Variants in CDK14 observed in about 807,000 individuals in gnomAD.
CDK14 encodes cyclin dependent kinase 14.
A neutral mutation model predicts 60.7 loss-of-function variants in CDK14; 34 were observed. The observed-to-expected ratio is 0.56, with a 90% CI of 0.43 to 0.75. CDK14 has a LOEUF of 0.75. CDK14 is among the 30% of genes least tolerant of loss of function. The probability of loss-of-function intolerance (pLI) is 0.00; values close to 1 mark genes in which losing one functional copy is unlikely to be tolerated. For missense variants in CDK14, 482 were observed against 564.1 expected (o/e 0.85, Z 1.47); for synonymous variants, 197 against 203.7 (o/e 0.97, Z 0.28).
chr7:90,827,605 C>A (rs149271637), intron 5 of CDK14, among the ~76,000 whole-genome samples: 1 of 152,126 alleles, frequency 6.6e-6, no homozygotes, highest in Non-Finnish European at 1.5e-5. Flanking sequence ...CCTGCAGAAA[C>A]GCCAACCTGT....
chr7:91,063,229 A>G (rs1356034962), intron 11 of CDK14, among the ~76,000 whole-genome samples: 1 of 152,224 alleles, frequency 6.6e-6, no homozygotes, highest in South Asian at 2.1e-4. Context: ...CCATTATCAC[A>G]TAGCTCCTTC....
intron 4 of CDK14, among the ~76,000 whole-genome samples, chr7:90,760,918 C>T (rs1416212483): frequency 1.3e-5 from 2 of 152,194 alleles, no homozygotes; most frequent in African/African-American, 4.8e-5. Context: ...CACCCACCAA[C>T]ATCTGCTAAT....
Position 90,634,016 on chromosome 7 carries a change from A to C in CDK14, c.123+29767A>C, listed in dbSNP as rs567670741. On this transcript the variant is annotated intron_variant, in intron 2 of 14. Coordinates refer to ENST00000380050, the MANE Select transcript of CDK14 (RefSeq NM_001287135.2). ...AGTAGCTGTGAAGGTATAAAACTTT[A>C]TATTTGTATAAAATTGCTGTTTATA... is the stretch of plus-strand genomic sequence containing the variant. 3.3e-5 allele frequency among the ~76,000 whole-genome samples: 5 copies of C among 152,328 alleles called. No individual in the cohort carries two copies. In the South Asian group the frequency reaches 1.0e-3, roughly 32 times the overall value.
intron 14 of CDK14, among the ~76,000 whole-genome samples, chr7:91,138,910 G>A (rs1455704686): frequency 1.3e-5 from 2 of 152,108 alleles, no homozygotes; most frequent in African/African-American, 2.4e-5. Context: ...CCATCTTTTT[G>A]TTGCCTCGAT....
chr7:91,089,819 T>C (rs1798749920), intron 12 of CDK14, among the ~76,000 whole-genome samples: 1 of 152,188 alleles, frequency 6.6e-6, no homozygotes. Context: ...TGCCACCAAA[T>C]GGGACTAAGC....
At chr7:90,914,269 C>T (rs1792999236) in intron 7 of CDK14, among the ~76,000 whole-genome samples, 1 of 152,078 alleles carries the variant, frequency 6.6e-6, no homozygotes, top group Non-Finnish European at 1.5e-5. Flanking sequence ...TGATTCGTTC[C>T]CTTCTCTTCT....
chr7:90,973,889 C>G (rs1340853332), intron 9 of CDK14, among the ~76,000 whole-genome samples: 1 of 152,058 alleles, frequency 6.6e-6, no homozygotes, highest in Non-Finnish European at 1.5e-5. Context: ...TGAAAAACAT[C>G]TTAACAGGAA....
At chr7:91,120,565 A>C (rs1358947017) in intron 14 of CDK14, among the ~76,000 whole-genome samples, 1 of 129,730 alleles carries the variant, frequency 7.7e-6, no homozygotes, top group African/African-American at 3.0e-5. Context: ...ATGGAGTTTC[A>C]CTCTTTTGCC....
chr7:90,637,013 A>G (rs1800169366), intron 2 of CDK14, among the ~76,000 whole-genome samples: 1 of 151,252 alleles, frequency 6.6e-6, no homozygotes, highest in Non-Finnish European at 1.5e-5. Flanking sequence ...CGTCTATTTG[A>G]TTCTTCTCTC....
At chr7:90,736,716 A>G (rs1345226663) in intron 3 of CDK14, among the ~76,000 whole-genome samples, 1 of 152,178 alleles carries the variant, frequency 6.6e-6, no homozygotes, top group Admixed American at 6.5e-5. Context: ...GGAAAATGTG[A>G]TAGAAGTGTG....
intron 10 of CDK14, among the ~76,000 whole-genome samples, chr7:91,002,933 A>G (rs923258504): frequency 2.0e-5 from 3 of 152,034 alleles, no homozygotes; most frequent in Non-Finnish European, 4.4e-5. Flanking sequence ...TTAGCCGGGC[A>G]TGGTGGCGGG....
At chr7:90,678,695 A>C (rs1393302218) in intron 2 of CDK14, among the ~76,000 whole-genome samples, 4 of 152,130 alleles carry the variant, frequency 2.6e-5, no homozygotes, top group Admixed American at 2.6e-4. Flanking sequence ...ACAAGAGCAG[A>C]GTGTAGGGTA....
intron 7 of CDK14, among the ~76,000 whole-genome samples, chr7:90,913,504 A>G (rs1792975971): frequency 6.6e-6 from 1 of 152,256 alleles, no homozygotes; most frequent in Non-Finnish European, 1.5e-5. Flanking sequence ...CAAGGTCATC[A>G]TAGAAGAATA....
At chr7:90,712,511 G>T (rs1001822071) in intron 2 of CDK14, among the ~76,000 whole-genome samples, 1 of 151,924 alleles carries the variant, frequency 6.6e-6, no homozygotes, top group African/African-American at 2.4e-5. Flanking sequence ...TTTTATATGG[G>T]ATAGACAGCA....
At chr7:90,885,764 A>G (rs752478580) in intron 6 of CDK14, among the ~76,000 whole-genome samples, 11 of 152,204 alleles carry the variant, frequency 7.2e-5, no homozygotes, top group African/African-American at 1.2e-4. Context: ...TGTCCTTTGC[A>G]GGGATATGGA....
intron 2 of CDK14, among the ~76,000 whole-genome samples, chr7:90,648,753 G>C (rs911591838): frequency 2.0e-5 from 3 of 152,114 alleles, no homozygotes; most frequent in Non-Finnish European, 4.4e-5. Context: ...GCAGTGTTTT[G>C]AATAATAAAA....
At chr7:91,104,277 A>G (rs531911856) in intron 12 of CDK14, among the ~76,000 whole-genome samples, 1 of 152,184 alleles carries the variant, frequency 6.6e-6, no homozygotes, top group Admixed American at 6.5e-5. Context: ...CCTGCGATAG[A>G]ACACTGAAAT....
At chr7:90,967,568 T>G (rs1794790391) in intron 9 of CDK14, among the ~76,000 whole-genome samples, 1 of 152,136 alleles carries the variant, frequency 6.6e-6, no homozygotes, top group Non-Finnish European at 1.5e-5. Context: ...ACCATTTAAC[T>G]CTCAGTGAAA....
chr7:90,894,163 T>C (rs1327595088), intron 6 of CDK14, among the ~76,000 whole-genome samples: 1 of 152,210 alleles, frequency 6.6e-6, no homozygotes, highest in Non-Finnish European at 1.5e-5. Flanking sequence ...TGCTGGACAA[T>C]GTTCTGAAAC....
Sources: gnomAD v4.1 joint callset for allele counts (sites outside exome capture counted in the v4.1 genomes callset) on GRCh38, gnomAD v4.1.1 for gene constraint, MANE v1.5 for transcripts, NCBI Gene and HGNC (gene_info 2026-07-23, HGNC 2026-07-21) for gene names.